Variants in CHRM2 observed in about 807,000 individuals in gnomAD.
The protein encoded by CHRM2 is muscarinic acetylcholine receptor M2.
Under a neutral mutation model 25.0 loss-of-function variants are expected in CHRM2, and 8 were observed. That is an observed-to-expected ratio of 0.32 (90% confidence interval 0.19 to 0.58). The LOEUF (loss-of-function observed/expected upper bound fraction) is 0.58. CHRM2 is among the 20% of genes least tolerant of loss of function. The probability of loss-of-function intolerance (pLI) is 0.88; values close to 1 mark genes in which losing one functional copy is unlikely to be tolerated. For missense variants in CHRM2, 440 were observed against 567.1 expected, an observed-to-expected ratio of 0.78 and a Z score of 2.28; for synonymous variants, 202 against 205.7, an observed-to-expected ratio of 0.98 and a Z score of 0.15.
At chr7:136,883,431 T>C (rs112295675) in intron 2 of CHRM2, among the ~76,000 whole-genome samples, 10 of 152,118 alleles carry the variant, frequency 6.6e-5, no homozygotes, top group African/African-American at 2.2e-4. Context: ...GTCTGATGCC[T>C]TTATTTTATA....
At chr7:136,932,155 C>T (rs146550991) in intron 2 of CHRM2, among the ~76,000 whole-genome samples, 2 of 152,184 alleles carry the variant, frequency 1.3e-5, no homozygotes, top group African/African-American at 4.8e-5. Context: ...ATAAAAAGGA[C>T]TATAAGGGAA....
At chr7:136,891,554 C>T (rs1213114153) in intron 2 of CHRM2, among the ~76,000 whole-genome samples, 1 of 152,142 alleles carries the variant, frequency 6.6e-6, no homozygotes, top group African/African-American at 2.4e-5. Context: ...TGCTGTGACT[C>T]ACATTTGATT....
intron 2 of CHRM2, among the ~76,000 whole-genome samples, chr7:136,917,529 G>A (rs1798191153): frequency 6.6e-6 from 1 of 151,972 alleles, no homozygotes; most frequent in South Asian, 2.1e-4. Context: ...GTTCCACTCT[G>A]CATTACTAAA....
At chr7:136,908,050 G>A (rs1797650106) in intron 2 of CHRM2, 1 of 151,824 alleles carries the variant, frequency 6.6e-6, no homozygotes, top group African/African-American at 2.4e-5. Context: ...ATTTATTGAT[G>A]GGAAGTGGAA....
At chr7:137,003,729 T>C (rs1310808908) in intron 3 of CHRM2, among the ~76,000 whole-genome samples, 1 of 152,092 alleles carries the variant, frequency 6.6e-6, no homozygotes, top group Non-Finnish European at 1.5e-5. Context: ...AGTAGTATAA[T>C]TGTTGATATG....
At chr7:136,934,331 A>G (rs1799289169) in intron 2 of CHRM2, among the ~76,000 whole-genome samples, 1 of 151,852 alleles carries the variant, frequency 6.6e-6, no homozygotes, top group African/African-American at 2.4e-5. Flanking sequence ...TCTATTTTCT[A>G]TTTTTTATTC....
chr7:136,977,699 T>C (rs936527290), intron 2 of CHRM2, among the ~76,000 whole-genome samples: 4 of 152,148 alleles, frequency 2.6e-5, no homozygotes, highest in African/African-American at 4.8e-5. Flanking sequence ...GGAGAATAAA[T>C]GGCATGCACA....
At chr7:136,950,431 G>A (rs553031113) in intron 2 of CHRM2, among the ~76,000 whole-genome samples, 3 of 152,198 alleles carry the variant, frequency 2.0e-5, no homozygotes, top group African/African-American at 7.2e-5. Context: ...AGGCTTCCAT[G>A]GAACCTCCCA....
chr7:136,972,761 G>A (rs907133718), intron 2 of CHRM2, among the ~76,000 whole-genome samples: 8 of 149,136 alleles, frequency 5.4e-5, no homozygotes, highest in South Asian at 2.2e-4. Context: ...GGTGGCAGGT[G>A]ACGATGGTGA....
chr7:137,015,462 G>T lies in CHRM2; in HGVS notation c.597G>T (p.Val199=). 1 of 1,613,246 alleles carries T rather than the reference G, an allele frequency of 6.2e-7. No individual in the cohort carries two copies. Among genetic ancestry groups the T allele is most frequent in the Non-Finnish European group, 8.5e-7 (1 of 1,179,604 alleles). The change falls in exon 4 of 4, where the codon GTG becomes GTT. Residue 199 remains valine, a synonymous_variant. Coordinates refer to ENST00000680005, the MANE Select transcript of CHRM2 (RefSeq NM_001006630.2). The surrounding 1 kb of genome is among the most constrained non-coding windows in gnomAD (Gnocchi z 5.1). ...CTATTGCAGCCTTCTATTTGCCAGT[G>T]ATCATCATGACTGTGCTATATTGGC... The part of the protein sequence containing the change: ...GTAIAAFYLP[V]IIMTVLYWHI...
chr7:136,898,288 TA>T (rs1797012572), intron 2 of CHRM2, among the ~76,000 whole-genome samples: 1 of 152,146 alleles, frequency 6.6e-6, no homozygotes, highest in Admixed American at 6.6e-5. Flanking sequence ...TAAACAATCT[TA>T]TTGTAGGGTT....
At chr7:136,904,561 T>A (rs984441239) in intron 2 of CHRM2, among the ~76,000 whole-genome samples, 2 of 151,890 alleles carry the variant, frequency 1.3e-5, no homozygotes, top group Non-Finnish European at 1.5e-5. Flanking sequence ...TTTTTATAAT[T>A]TATTACTTAT....
At chr7:136,938,536 G>T in intron 2 of CHRM2, 1 of 932,662 alleles carries the variant, frequency 1.1e-6, no homozygotes, top group South Asian at 1.3e-5. Context: ...GATTGACCGT[G>T]ACTGCAGTGA....
intron 3 of CHRM2, among the ~76,000 whole-genome samples, chr7:137,013,853 T>C (rs916892365): frequency 2.6e-5 from 4 of 152,008 alleles, no homozygotes; most frequent in African/African-American, 9.7e-5. Context: ...AGCTGCTCAA[T>C]AGATATGTGA....
intron 2 of CHRM2, among the ~76,000 whole-genome samples, chr7:136,930,898 C>CAAAA (rs57705639): frequency 1.6e-4 from 10 of 61,146 alleles, no homozygotes; most frequent in East Asian, 1.1e-3. Context: ...CTCATTCTCT[C>CAAAA]AAAAAAAAAA....
chr7:136,938,053 T>C (rs1242713287), intron 2 of CHRM2, among the ~76,000 whole-genome samples: 1 of 151,958 alleles, frequency 6.6e-6, no homozygotes, highest in African/African-American at 2.4e-5. Context: ...AACGTAATGG[T>C]GTATGAGAGA....
intron 2 of CHRM2, among the ~76,000 whole-genome samples, chr7:136,987,600 A>T (rs1164029468): frequency 6.6e-6 from 1 of 152,224 alleles, no homozygotes; most frequent in African/African-American, 2.4e-5. Flanking sequence ...AAGTGAGTTC[A>T]TCTGCCACTG....
chr7:137,008,250 C>T (rs1220815633), intron 3 of CHRM2, among the ~76,000 whole-genome samples: 2 of 152,086 alleles, frequency 1.3e-5, no homozygotes, highest in Non-Finnish European at 2.9e-5. Flanking sequence ...CAACCGCTGG[C>T]TCTTCAGTAG....
chr7:136,899,005 T>C (rs189654226), intron 2 of CHRM2: 233 of 152,218 alleles, frequency 1.5e-3, no homozygotes, highest in African/African-American at 5.2e-3. Flanking sequence ...GTATGGTTTA[T>C]GATGACTTTG....
Sources: gnomAD v4.1 joint callset for allele counts (sites outside exome capture counted in the v4.1 genomes callset) on GRCh38, gnomAD v4.1.1 for gene constraint, Gnocchi (gnomAD v3.1) non-coding constraint, MANE v1.5 for transcripts, NCBI Gene and HGNC (gene_info 2026-07-23, HGNC 2026-07-21) for gene names.